TNR: variants seen among roughly 807,000 people sequenced by gnomAD.
The protein encoded by TNR is tenascin R, also known as tenascin-R.
In TNR, 45 loss-of-function variants were observed where a neutral mutation model predicts 150.4. The ratio of observed to expected loss-of-function variants is 0.30; its 90% CI spans 0.24 to 0.38. The LOEUF (loss-of-function observed/expected upper bound fraction) is 0.38, where lower values mean the gene tolerates loss of function less well. Among genes scored for constraint, TNR ranks in the 10% least tolerant of loss-of-function variants. The pLI, the probability that TNR is intolerant of heterozygous loss-of-function variation, is 1.00. For missense variants in TNR, 1,544 were observed against 1,759.1 expected (o/e 0.88, Z 2.19); for synonymous variants, 687 against 678.4 (o/e 1.01, Z -0.20).
chr1:175,529,730 C>T (rs1351462102), intron 1 of TNR, among the ~76,000 whole-genome samples: 1 of 152,194 alleles, frequency 6.6e-6, no homozygotes, highest in African/African-American at 2.4e-5. Flanking sequence ...ATCTCTTCTT[C>T]CATGGAATTA....
intron 2 of TNR, among the ~76,000 whole-genome samples, chr1:175,475,274 AC>A (rs1411759297): frequency 6.6e-6 from 1 of 151,954 alleles, no homozygotes; most frequent in Non-Finnish European, 1.5e-5. Context: ...ATTCTCTTAC[AC>A]CTTTCTGCCA....
chr1:175,679,220 G>A (rs554135796), intron 1 of TNR, among the ~76,000 whole-genome samples: 11 of 152,380 alleles, frequency 7.2e-5, no homozygotes, highest in Admixed American at 5.2e-4. Context: ...GAGCAAAGCT[G>A]CAACATCACT....
chr1:175,324,428 C>T lies in TNR; in HGVS notation c.3885G>A (p.Lys1295=). 1 of 1,614,152 alleles carries T rather than the reference C, an allele frequency of 6.2e-7. No homozygotes were observed. Among genetic ancestry groups the T allele is most frequent in the Non-Finnish European group, 8.5e-7 (1 of 1,180,014 alleles). Reference sequence around the variant, plus strand: ...GGCAGTTCTTATACCACCATGCTCCCTTGTACGACATGGCACAGTTAGTCA... The same window carrying T: ...GGCAGTTCTTATACCACCATGCTCCTTTGTACGACATGGCACAGTTAGTCA... ...VAVTNCAMSY[K]GAWWYKNCHR... Residue 1295 remains lysine (K), a synonymous_variant, in exon 22 of 23, where the codon AAG becomes AAA. Transcript: ENST00000367674.
chr1:175,430,849 G>C (rs1655231334), intron 2 of TNR, among the ~76,000 whole-genome samples: 1 of 152,090 alleles, frequency 6.6e-6, no homozygotes, highest in South Asian at 2.1e-4. Context: ...TTACTTAAAG[G>C]AAAATTATTA....
chr1:175,504,902 A>C (rs531800792), intron 2 of TNR, among the ~76,000 whole-genome samples: 68 of 152,240 alleles, frequency 4.5e-4, no homozygotes, highest in Admixed American at 7.2e-4. Flanking sequence ...AAATTTGGAC[A>C]CAAGTACAGA....
intron 1 of TNR, among the ~76,000 whole-genome samples, chr1:175,660,704 A>G (rs184864427): frequency 1.0e-3 from 152 of 152,326 alleles, no homozygotes; most frequent in Admixed American, 2.2e-3. Context: ...GGACCCAGAG[A>G]CCACAGCTCC....
intron 1 of TNR, among the ~76,000 whole-genome samples, chr1:175,732,227 T>A (rs1265311426): frequency 6.6e-6 from 1 of 152,202 alleles, no homozygotes; most frequent in Middle Eastern, 3.2e-3. Context: ...CATTTCAGAA[T>A]CCATTTTAGA....
intron 1 of TNR, among the ~76,000 whole-genome samples, chr1:175,655,001 C>T (rs1351056170): frequency 1.3e-5 from 2 of 152,166 alleles, no homozygotes; most frequent in South Asian, 2.1e-4. Context: ...GGATTACAGG[C>T]GTGAGCCACT....
chr1:175,400,113 C>T (rs143010089), intron 4 of TNR, among the ~76,000 whole-genome samples: 19 of 152,354 alleles, frequency 1.2e-4, no homozygotes, highest in African/African-American at 3.8e-4. Context: ...TAACCACCAT[C>T]ACTGGGGACA....
chr1:175,692,788 T>G (rs1666409245), intron 1 of TNR, among the ~76,000 whole-genome samples: 1 of 152,128 alleles, frequency 6.6e-6, no homozygotes, highest in Admixed American at 6.5e-5. Context: ...CTTCAAGGTG[T>G]GCAGACAAAC....
At chr1:175,669,916 G>A (rs181166587) in intron 1 of TNR, among the ~76,000 whole-genome samples, 18 of 152,300 alleles carry the variant, frequency 1.2e-4, no homozygotes, top group African/African-American at 3.6e-4. Flanking sequence ...CTTCCAGCAC[G>A]TGGCACAGGA....
intron 9 of TNR, among the ~76,000 whole-genome samples, chr1:175,369,613 CT>C (rs1444805811): frequency 1.3e-5 from 2 of 152,182 alleles, no homozygotes; most frequent in Admixed American, 6.5e-5. Flanking sequence ...AGTACATCAT[CT>C]TTTTATAAAA....
At chr1:175,377,407 T>C (rs1652446875) in intron 9 of TNR, among the ~76,000 whole-genome samples, 2 of 152,008 alleles carry the variant, frequency 1.3e-5, no homozygotes, top group South Asian at 2.1e-4. Flanking sequence ...CCTGCGGCTC[T>C]AGGCAGGGAT....
At chr1:175,728,467 C>T (rs189160236) in intron 1 of TNR, among the ~76,000 whole-genome samples, 34 of 152,262 alleles carry the variant, frequency 2.2e-4, no homozygotes, top group Admixed American at 1.0e-3. Context: ...TTACATGTGA[C>T]GAGAGAGATG....
At chr1:175,659,631 C>T (rs572367775) in intron 1 of TNR, among the ~76,000 whole-genome samples, 27 of 152,306 alleles carry the variant, frequency 1.8e-4, no homozygotes, top group Non-Finnish European at 3.1e-4. Context: ...AGGCTCAGAG[C>T]CTCATCAAGC....
chr1:175,679,843 C>T (rs767104408), intron 1 of TNR, among the ~76,000 whole-genome samples: 1 of 152,214 alleles, frequency 6.6e-6, no homozygotes, highest in Non-Finnish European at 1.5e-5. Flanking sequence ...CATTCCATTG[C>T]TCTGACTTCT....
intron 1 of TNR, among the ~76,000 whole-genome samples, chr1:175,575,145 C>T (rs1662048871): frequency 6.6e-6 from 1 of 152,192 alleles, no homozygotes; most frequent in Non-Finnish European, 1.5e-5. Flanking sequence ...CAGGACAAAG[C>T]TTTATTTCAT....
intron 1 of TNR, among the ~76,000 whole-genome samples, chr1:175,636,610 C>A: frequency 6.6e-6 from 1 of 152,196 alleles, no homozygotes. Context: ...ACAGAACTCC[C>A]AGAGAATGAC....
intron 18 of TNR, among the ~76,000 whole-genome samples, chr1:175,345,498 T>C (rs969862210): frequency 2.0e-5 from 3 of 152,142 alleles, no homozygotes; most frequent in African/African-American, 4.8e-5. Flanking sequence ...TAAAAAAGGA[T>C]TTTTTAAAAA....
Sources: allele counts gnomAD v4.1 joint callset (sites outside exome capture counted in the v4.1 genomes callset), GRCh38; gene constraint gnomAD v4.1.1; transcripts MANE v1.5; gene names NCBI Gene and HGNC (gene_info 2026-07-23, HGNC 2026-07-21).